The following GPC5 variants were observed in gnomAD, a reference collection of about 807,000 sequenced individuals.
GPC5 encodes glypican 5.
In GPC5, 47 loss-of-function variants were observed where a neutral mutation model predicts 53.9. The ratio of observed to expected loss-of-function variants is 0.87; its 90% CI spans 0.69 to 1.11. The LOEUF (loss-of-function observed/expected upper bound fraction) is 1.11, where lower values mean the gene tolerates loss of function less well. Among genes scored for constraint, GPC5 ranks in the 50% most tolerant of loss-of-function variants. GPC5 has a pLI of 0.00. For missense variants in GPC5, 748 were observed against 713.1 expected (o/e 1.05, Z -0.56); for synonymous variants, 286 against 263.3 (o/e 1.09, Z -0.84).
At chr13:91,488,104 G>T (rs1353637240) in intron 2 of GPC5, among the ~76,000 whole-genome samples, 2 of 152,034 alleles carry the variant, frequency 1.3e-5, no homozygotes, top group Non-Finnish European at 2.9e-5. Context: ...GACCCAGAGG[G>T]TATATACAAT....
At chr13:92,711,726 T>C (rs1888145720) in intron 7 of GPC5, among the ~76,000 whole-genome samples, 1 of 152,074 alleles carries the variant, frequency 6.6e-6, no homozygotes, top group Non-Finnish European at 1.5e-5. Context: ...ATTAAAATCA[T>C]ATGGAACATG....
chr13:91,771,624 CAGA>C (rs930728518), intron 5 of GPC5, among the ~76,000 whole-genome samples: 1 of 152,064 alleles, frequency 6.6e-6, no homozygotes, highest in Non-Finnish European at 1.5e-5. Flanking sequence ...GAAAATGCTA[CAGA>C]AGAAGAGGGT....
chr13:92,300,612 A>G (rs1278172317), intron 7 of GPC5, among the ~76,000 whole-genome samples: 1 of 152,242 alleles, frequency 6.6e-6, no homozygotes, highest in African/African-American at 2.4e-5. Context: ...TGAGAATTAG[A>G]TAAATAGAAT....
intron 6 of GPC5, among the ~76,000 whole-genome samples, chr13:92,124,603 TA>T (rs1284057107): frequency 6.6e-6 from 1 of 152,168 alleles, no homozygotes; most frequent in Non-Finnish European, 1.5e-5. Flanking sequence ...ACCCACATGT[TA>T]ATAACATATG....
At chr13:91,618,320 C>T (rs1195921345) in intron 2 of GPC5, among the ~76,000 whole-genome samples, 2 of 152,100 alleles carry the variant, frequency 1.3e-5, no homozygotes, top group Non-Finnish European at 2.9e-5. Context: ...CAATTGCCCC[C>T]TTTTATGTCC....
intron 4 of GPC5, among the ~76,000 whole-genome samples, chr13:91,751,096 G>C (rs2037166471): frequency 6.6e-6 from 1 of 152,078 alleles, no homozygotes; most frequent in Non-Finnish European, 1.5e-5. Context: ...ACTGCATTTT[G>C]CAACACTTCT....
intron 5 of GPC5, among the ~76,000 whole-genome samples, chr13:91,773,223 C>T (rs1016222536): frequency 2.0e-4 from 30 of 152,140 alleles, no homozygotes; most frequent in African/African-American, 6.5e-4. Context: ...TTAGTAACAC[C>T]GATAGAAATT....
intron 6 of GPC5, among the ~76,000 whole-genome samples, chr13:92,125,515 A>G (rs1485646095): frequency 6.6e-6 from 1 of 152,126 alleles, no homozygotes; most frequent in African/African-American, 2.4e-5. Context: ...ATTCTATAAG[A>G]TTTTATAGGA....
At chr13:91,634,511 G>A (rs2034238495) in intron 2 of GPC5, among the ~76,000 whole-genome samples, 1 of 151,878 alleles carries the variant, frequency 6.6e-6, no homozygotes, top group Non-Finnish European at 1.5e-5. Context: ...GCTGACCAAA[G>A]TCTCATAAGT....
At chr13:91,562,619 A>ATTTTTTTTTTTTT (rs35271520) in intron 2 of GPC5, among the ~76,000 whole-genome samples, 5 of 126,076 alleles carry the variant, frequency 4.0e-5, no homozygotes, top group African/African-American at 1.2e-4. Flanking sequence ...ATGCCTGGCT[A>ATTTTTTTTTTTTT]TTTTTTTTTT....
intron 7 of GPC5, among the ~76,000 whole-genome samples, chr13:92,714,044 T>C (rs935656224): frequency 6.6e-6 from 1 of 152,222 alleles, no homozygotes; most frequent in Non-Finnish European, 1.5e-5. Context: ...GCACATTTCT[T>C]GTTGGTGAAC....
At position 91,655,577 on chromosome 13, in the gene GPC5, A is replaced by G. The variant is rs534695317; in HGVS notation, c.326-37610A>G. The stretch of plus-strand genomic sequence containing the variant: ...TTAAAAATTAATAAAAGTCAAAACC[A>G]ACAAATATTTTATACTAGGTAGACT... On this transcript the variant is annotated intron_variant, in intron 2 of 7. Transcript: ENST00000377067. Among the ~76,000 whole-genome samples, 276 of 152,212 alleles carry G rather than the reference A, an allele frequency of 1.8e-3. 2 individuals are homozygous for G. The highest frequency in any genetic ancestry group is 6.2e-3 in the African/African-American group (257 of 41,548).
At chr13:92,021,459 G>T (rs528199910) in intron 6 of GPC5, among the ~76,000 whole-genome samples, 3 of 152,108 alleles carry the variant, frequency 2.0e-5, no homozygotes, top group Non-Finnish European at 4.4e-5. Context: ...AATGATGATG[G>T]CCAGGCCAGG....
chr13:92,807,588 G>C (rs562743807), intron 7 of GPC5, among the ~76,000 whole-genome samples: 3 of 152,036 alleles, frequency 2.0e-5, no homozygotes, highest in Non-Finnish European at 2.9e-5. Flanking sequence ...TAAAGCAACC[G>C]CGTTTGTTTC....
intron 7 of GPC5, among the ~76,000 whole-genome samples, chr13:92,321,502 G>T (rs902049270): frequency 6.6e-6 from 1 of 152,148 alleles, no homozygotes; most frequent in African/African-American, 2.4e-5. Context: ...GACTCAGGAG[G>T]CTGAGGCAGA....
At chr13:92,279,302 T>G (rs2042896949) in intron 7 of GPC5, among the ~76,000 whole-genome samples, 1 of 152,052 alleles carries the variant, frequency 6.6e-6, no homozygotes, top group South Asian at 2.1e-4. Context: ...GGAATTTTCT[T>G]AATTTCTGTG....
intron 7 of GPC5, among the ~76,000 whole-genome samples, chr13:92,751,652 C>T (rs951436254): frequency 1.2e-4 from 18 of 151,730 alleles, no homozygotes; most frequent in African/African-American, 4.1e-4. Flanking sequence ...ATGTAAATGA[C>T]GAGTTAATGG....
At chr13:92,766,519 G>A (rs1278643141) in intron 7 of GPC5, among the ~76,000 whole-genome samples, 1 of 152,108 alleles carries the variant, frequency 6.6e-6, no homozygotes, top group East Asian at 1.9e-4. Flanking sequence ...GACTTAAAAA[G>A]TCAACAATGT....
At chr13:92,716,350 C>A (rs1888326994) in intron 7 of GPC5, among the ~76,000 whole-genome samples, 1 of 152,020 alleles carries the variant, frequency 6.6e-6, no homozygotes, top group South Asian at 2.1e-4. Flanking sequence ...ATTTTGCTGT[C>A]TGAATATCCT....
Sources: gnomAD v4.1 joint callset for allele counts (sites outside exome capture counted in the v4.1 genomes callset) on GRCh38, gnomAD v4.1.1 for gene constraint, MANE v1.5 for transcripts, NCBI Gene and HGNC (gene_info 2026-07-23, HGNC 2026-07-21) for gene names.